The following CLN3 variants were observed in gnomAD, a reference collection of about 807,000 sequenced individuals.
The protein encoded by CLN3 is battenin.
CLN3 carries 49 observed loss-of-function variants against 60.7 expected under a neutral mutation model. The observed-to-expected ratio is 0.81, with a 90% CI of 0.64 to 1.02. The LOEUF (loss-of-function observed/expected upper bound fraction) is 1.02, where lower values mean the gene tolerates loss of function less well. Among genes scored for constraint, CLN3 ranks in the 50% least tolerant of loss-of-function variants. The pLI, the probability that CLN3 is intolerant of heterozygous loss-of-function variation, is 0.00. For missense variants in CLN3, 516 were observed against 557.4 expected (o/e 0.93, Z 0.75); for synonymous variants, 256 against 245.8 (o/e 1.04, Z -0.39).
chr16:28,486,740 T>C lies in CLN3; in HGVS notation c.461-90A>G, dbSNP rs1190620431. ...GTGTCTGGCCATGGCCTCCTCAGTA[T>C]CAGCTCATAGAGGCTCCAATAGATC... On this transcript the variant is annotated intron_variant, in intron 7 of 15. Coordinates refer to ENST00000636147, the MANE Select transcript of CLN3 (RefSeq NM_001042432.2). 3.4e-5 allele frequency: 43 copies of C among 1,267,442 alleles called. No individual in the cohort carries two copies. In the South Asian group the frequency reaches 4.7e-4, roughly 14 times the overall value. 78.5% of individuals were successfully genotyped at this position (1,267,442 alleles called of 1,614,324 possible).
rs773692029 is a variant in CLN3 at position 28,477,891 on chromosome 16, G to T, written c.1057-14C>A. The T allele has an allele frequency of 1.9e-6, 3 of 1,613,168 alleles. No homozygotes were observed. The highest frequency in any genetic ancestry group is 3.3e-5 in the Admixed American group (2 of 59,930). ...CAGGTTGAGGCACTGTGAACAGGGGGAGAGGCTAAGCCTGGGACCAGGGCG... is the reference window on the plus strand; with the variant it reads ...CAGGTTGAGGCACTGTGAACAGGGGTAGAGGCTAAGCCTGGGACCAGGGCG... On this transcript the variant is annotated splice_polypyrimidine_tract_variant and intron_variant, in intron 14 of 15. Transcript: ENST00000636147.
downstream of CLN3, chr16:28,474,383 T>G (rs2141690011): frequency 6.6e-6 from 1 of 152,074 alleles, no homozygotes; most frequent in East Asian, 1.9e-4. Context: ...TCACTTGAAC[T>G]CAGGAGACTG....
At chr16:28,491,343 C>T in intron 3 of CLN3, 139 bp downstream of exon 3, 1 of 1,249,226 alleles carries the variant, frequency 8.0e-7, no homozygotes, top group Non-Finnish European at 1.1e-6. Context: ...TACATGCTGC[C>T]CCTGGGGCAA....
In CLN3 at chr16:28,488,664, T is replaced by A; in HGVS notation, c.223-2A>T. Reference sequence around the variant, plus strand: ...GATCGGCGTTGGGCCTGGGTCCACCTAATGGGAGAAAAGCATGTCTTTCAC... The same window carrying A: ...GATCGGCGTTGGGCCTGGGTCCACCAAATGGGAGAAAAGCATGTCTTTCAC... On this transcript the variant is annotated splice_acceptor_variant, in intron 4 of 15. Transcript: ENST00000636147. LOFTEE classifies it high-confidence loss of function. 1.2e-6 allele frequency: 2 copies of A among 1,613,940 alleles called. No individual in the cohort carries two copies. Among genetic ancestry groups the A allele is most frequent in the Non-Finnish European group, 1.7e-6 (2 of 1,179,818 alleles).
chr16:28,477,577 C>T lies in CLN3; in HGVS notation c.1256G>A (p.Gly419Glu), dbSNP rs796052338. Reference protein sequence around the residue: ...MAATCISDTLGISLSGLLALP... With the variant: ...MAATCISDTLEISLSGLLALP... ...AGCCAGGAGCCCCGACAGGGAGATC[C>T]CCAGTGTGTCAGAGATGCAGGTGGC... is the stretch of plus-strand genomic sequence containing the variant. The change falls in exon 16 of 16, where the codon GGG becomes GAG. Residue 419 changes from glycine (G) to glutamate (E), a missense_variant. Transcript: ENST00000636147. 6 of 1,613,768 alleles carry T rather than the reference C, an allele frequency of 3.7e-6. No individual in the cohort carries two copies. The highest frequency in any genetic ancestry group is 5.1e-6 in the Non-Finnish European group (6 of 1,180,002).
intron 14 of CLN3, among the ~76,000 whole-genome samples, chr16:28,480,240 T>TG (rs564970935): frequency 4.6e-5 from 7 of 151,332 alleles, no homozygotes; most frequent in East Asian, 1.9e-4. Flanking sequence ...TTTGTAGAGG[T>TG]GGGGGGTCTC....
chr16:28,472,914 G>A (rs1019068568), downstream of CLN3, among the ~76,000 whole-genome samples: 4 of 151,340 alleles, frequency 2.6e-5, no homozygotes, highest in African/African-American at 4.9e-5. Context: ...TGGGATTACA[G>A]GCGTGAGCCA....
intron 9 of CLN3, among the ~76,000 whole-genome samples, chr16:28,486,085 C>A (rs1035054349): frequency 1.1e-4 from 16 of 151,906 alleles, no homozygotes; most frequent in African/African-American, 3.9e-4. Context: ...GCCACCACTG[C>A]CTCCGGGGTT....
chr16:28,478,013 AC>A, intron 14 of CLN3, 136 bp from the exon 15 acceptor site: 1 of 1,000,212 alleles, frequency 1.0e-6, no homozygotes, highest in Non-Finnish European at 1.5e-6. Context: ...AAATCTCAAC[AC>A]CAGCCCGGTG....
intron 10 of CLN3, 114 bp from the exon 11 acceptor site, chr16:28,482,786 A>G (rs868804778): frequency 2.7e-6 from 3 of 1,096,846 alleles, no homozygotes; most frequent in Non-Finnish European, 4.1e-6. Flanking sequence ...ACTCACTTCC[A>G]TGCCACTGGA....
At chr16:28,487,344 T>C (rs1367525359) in intron 7 of CLN3, 112 bp downstream of exon 7, 1 of 897,900 alleles carries the variant, frequency 1.1e-6, no homozygotes, top group Non-Finnish European at 1.8e-6. Context: ...AGCAGGCTTC[T>C]AAGGGTGACA....
At chr16:28,477,135 AAAC>A (rs1167572878), downstream of CLN3, 3 of 286,654 alleles carry the variant, frequency 1.0e-5, no homozygotes, top group Admixed American at 4.7e-5. Context: ...GACTCTGTCA[AAAC>A]AAACAAACAA....
chr16:28,470,993 T>C, downstream of CLN3: 1 of 366,194 alleles, frequency 2.7e-6, no homozygotes, highest in Non-Finnish European at 4.9e-6. Flanking sequence ...CAATGGACAA[T>C]GCCAAGTAGC....
intron 7 of CLN3, chr16:28,487,109 C>G: frequency 2.5e-6 from 1 of 395,656 alleles, no homozygotes. Context: ...CGGGGTTTCT[C>G]CATGTTGGCC....
rs2046219366 is a variant in CLN3, at chr16:28,486,423, C to G, written c.601G>C (p.Gly201Arg). 6.2e-7 allele frequency: 1 copy of G among 1,613,358 alleles called. No homozygotes were observed. The highest frequency in any genetic ancestry group is 8.5e-7 in the Non-Finnish European group (1 of 1,179,942). Residue 201 changes from glycine (G) to arginine (R), a missense_variant, in exon 9 of 16, where the codon GGC (glycine) becomes CGC (arginine). Physicochemically the swap from Gly to Arg is moderately radical, Grantham distance 125. Coordinates refer to ENST00000636147, the MANE Select transcript of CLN3 (RefSeq NM_001042432.2). The part of the protein sequence containing the change: ...AGLLGALSYL[G>R]LTQAGLSPQQ... The stretch of plus-strand genomic sequence containing the variant: ...GGGGAGAGGCCGGCCTGGGTGAGGC[C>G]CAGGTAGGACAGGGCCCCCAGCAGC...
In CLN3 at chr16:28,489,349, T is replaced by G. The variant is rs760481173; in HGVS notation, c.163A>C (p.Met55Leu). Residue 55 changes from methionine (M) to leucine (L), a missense_variant, in exon 4 of 16, where the codon ATG becomes CTG. Coordinates refer to ENST00000636147, the MANE Select transcript of CLN3 (RefSeq NM_001042432.2). ...AGGATGTCGTGGGCGGCACTCAGCA[T>G]CACCACATAAGAGAAGTTGTTGCAA... ...GLCNNFSYVV[M>L]LSAAHDILSH... 1 of 1,613,362 alleles carries G rather than the reference T, an allele frequency of 6.2e-7. No individual in the cohort carries two copies. The highest frequency in any genetic ancestry group is 1.3e-5 in the African/African-American group (1 of 74,876).
intron 3 of CLN3, 111 bp from the exon 4 acceptor site, chr16:28,489,497 C>T (rs2046278215): frequency 3.9e-6 from 3 of 763,560 alleles, no homozygotes; most frequent in Admixed American, 4.0e-5. Flanking sequence ...TCTTTTTTTT[C>T]CCTCTATCAC....
chr16:28,482,179 C>G lies in CLN3; in HGVS notation c.982G>C (p.Ala328Pro). 1 of 1,613,432 alleles carries G rather than the reference C, an allele frequency of 6.2e-7. No homozygotes were observed. Among genetic ancestry groups the G allele is most frequent in the Non-Finnish European group, 8.5e-7 (1 of 1,179,794 alleles). The stretch of plus-strand genomic sequence containing the variant: ...GAAGAGCGGGAGGCAAAGACGCCAG[C>G]CTGGTACAGCATCTGGTACCTGAGG... ...QYRWYQMLYQ[A>P]GVFASRSSLR... Residue 328 changes from alanine (A) to proline (P), a missense_variant, in exon 14 of 16, where the codon GCT becomes CCT. By Grantham distance (27) the Ala-to-Pro change is conservative (BLOSUM62 -1). Transcript: ENST00000636147.
chr16:28,477,909 C>CCAGGG (rs2046024668), intron 14 of CLN3, 32 bp from the exon 15 acceptor site: 1 of 1,611,962 alleles, frequency 6.2e-7, no homozygotes. Flanking sequence ...AAGCCTGGGA[C>CCAGGG]CAGGGCGGGG....
Sources: gnomAD v4.1 joint callset for allele counts (sites outside exome capture counted in the v4.1 genomes callset) on GRCh38, gnomAD v4.1.1 for gene constraint, MANE v1.5 for transcripts, NCBI Gene and HGNC (gene_info 2026-07-23, HGNC 2026-07-21) for gene names.